The following CNTN4 variants were observed in gnomAD, a reference collection of about 807,000 sequenced individuals.
CNTN4 encodes the protein contactin-4.
CNTN4 carries 77 observed loss-of-function variants against 122.5 expected under a neutral mutation model. The ratio of observed to expected loss-of-function variants is 0.63; its 90% CI spans 0.52 to 0.76. The LOEUF (loss-of-function observed/expected upper bound fraction) is 0.76. CNTN4 is among the 30% of genes least tolerant of loss of function. CNTN4 has a pLI of 0.00. For synonymous variants in CNTN4, 512 were observed against 447.0 expected (o/e 1.15, Z -1.83); for missense variants, 1,256 against 1,259.1 (o/e 1.00, Z 0.04).
chr3:2,770,188 C>T (rs1357630022), intron 6 of CNTN4, among the ~76,000 whole-genome samples: 1 of 152,032 alleles, frequency 6.6e-6, no homozygotes, highest in Non-Finnish European at 1.5e-5. Context: ...CGTCATCATG[C>T]CCGGCTAACG....
chr3:2,981,028 T>C (rs927479773), intron 13 of CNTN4, among the ~76,000 whole-genome samples: 1 of 152,170 alleles, frequency 6.6e-6, no homozygotes, highest in African/African-American at 2.4e-5. Flanking sequence ...TCTTTTCCTA[T>C]TGGCACAGCT....
chr3:2,573,033 G>A (rs2079495275), intron 4 of CNTN4, among the ~76,000 whole-genome samples: 1 of 152,060 alleles, frequency 6.6e-6, no homozygotes, highest in Non-Finnish European at 1.5e-5. Context: ...TTAATATTAT[G>A]ACTGAAGCAT....
At chr3:3,027,783 A>G (rs928930602) in intron 15 of CNTN4, among the ~76,000 whole-genome samples, 3 of 152,214 alleles carry the variant, frequency 2.0e-5, no homozygotes, top group Non-Finnish European at 2.9e-5. Flanking sequence ...CCTACCATTC[A>G]GACACATGTA....
chr3:2,602,657 A>G (rs1014560806), intron 4 of CNTN4, among the ~76,000 whole-genome samples: 5 of 152,304 alleles, frequency 3.3e-5, no homozygotes, highest in African/African-American at 9.6e-5. Context: ...GAAAATGGCC[A>G]TACTGTCCAA....
At chr3:2,552,201 T>A (rs2078537327) in intron 3 of CNTN4, among the ~76,000 whole-genome samples, 1 of 152,128 alleles carries the variant, frequency 6.6e-6, no homozygotes, top group South Asian at 2.1e-4. Flanking sequence ...TTGAAACACA[T>A]GATACTTTTA....
chr3:2,893,393 C>G (rs377563305), intron 10 of CNTN4, among the ~76,000 whole-genome samples: 25 of 152,208 alleles, frequency 1.6e-4, no homozygotes, highest in African/African-American at 5.8e-4. Flanking sequence ...ACAGAGTAAC[C>G]AAAGACTGAA....
At chr3:2,396,300 C>T (rs144662035) in intron 3 of CNTN4, among the ~76,000 whole-genome samples, 3 of 152,292 alleles carry the variant, frequency 2.0e-5, no homozygotes, top group African/African-American at 7.2e-5. Context: ...GCTGGGATTA[C>T]AGGCATGAGC....
intron 4 of CNTN4, among the ~76,000 whole-genome samples, chr3:2,572,741 C>A (rs2079480482): frequency 6.6e-6 from 1 of 152,198 alleles, no homozygotes; most frequent in East Asian, 1.9e-4. Context: ...CAAGCCAGCC[C>A]TGTACTGGGA....
At chr3:2,203,757 T>C (rs1469628806) in intron 2 of CNTN4, among the ~76,000 whole-genome samples, 1 of 152,156 alleles carries the variant, frequency 6.6e-6, no homozygotes, top group African/African-American at 2.4e-5. Context: ...TCTGACCTCC[T>C]TGAAAGCACA....
chr3:3,006,340 C>T (rs1696647640), intron 14 of CNTN4, among the ~76,000 whole-genome samples: 1 of 152,162 alleles, frequency 6.6e-6, no homozygotes, highest in Non-Finnish European at 1.5e-5. Context: ...TGCTCTGTAA[C>T]AATTTATTGA....
chr3:2,598,660 C>T (rs986805902), intron 4 of CNTN4, among the ~76,000 whole-genome samples: 5 of 152,006 alleles, frequency 3.3e-5, no homozygotes, highest in South Asian at 2.1e-4. Context: ...CTTATGTAGC[C>T]GTAATAGAAA....
chr3:2,163,893 G>A (rs148520885), intron 2 of CNTN4, among the ~76,000 whole-genome samples: 1,742 of 152,242 alleles, frequency 0.011, 35 homozygotes, highest in African/African-American at 0.04. Flanking sequence ...TTACACTGCT[G>A]GTGAGAATGT....
intron 4 of CNTN4, among the ~76,000 whole-genome samples, chr3:2,584,326 T>G (rs2080081121): frequency 6.6e-6 from 1 of 151,918 alleles, no homozygotes; most frequent in Non-Finnish European, 1.5e-5. Flanking sequence ...CTTCTGGCCT[T>G]TCTGTCATTT....
At chr3:2,932,569 C>T (rs935172244) in intron 13 of CNTN4, among the ~76,000 whole-genome samples, 13 of 152,136 alleles carry the variant, frequency 8.5e-5, no homozygotes, top group East Asian at 1.9e-4. Flanking sequence ...GTGGTCCCTT[C>T]GCTCCATCTT....
At position 2,629,609 on chromosome 3, in the gene CNTN4, G is replaced by A. The variant is rs2082341585; in HGVS notation, c.55+58051G>A. The A allele has an allele frequency of 6.8e-6, 3 of 441,912 alleles. No homozygotes were observed. The East Asian group carries it at 2.1e-4, about 31-fold the overall frequency. 27.4% of individuals were successfully genotyped at this position (441,912 alleles called of 1,614,324 possible). ...GTTGACTTTATAAGAAAATAGAAAA[G>A]CCTAAGTTACAGCACCAGCTTTCTT... On this transcript the variant is annotated intron_variant, in intron 4 of 24. Coordinates refer to ENST00000418658, the MANE Select transcript of CNTN4 (RefSeq NM_175607.3).
At chr3:2,199,413 C>G (rs141310850) in intron 2 of CNTN4, among the ~76,000 whole-genome samples, 1 of 151,986 alleles carries the variant, frequency 6.6e-6, no homozygotes, top group Admixed American at 6.6e-5. Context: ...CCTTCTCTCC[C>G]CCTGTCCCTA....
chr3:3,017,493 C>G (rs1160200330), intron 14 of CNTN4, among the ~76,000 whole-genome samples: 1 of 152,114 alleles, frequency 6.6e-6, no homozygotes, highest in South Asian at 2.1e-4. Context: ...AAAGCTTACC[C>G]CTAAAATCAG....
chr3:2,569,265 C>G (rs898330674), intron 3 of CNTN4, among the ~76,000 whole-genome samples: 10 of 152,280 alleles, frequency 6.6e-5, no homozygotes, highest in African/African-American at 2.4e-4. Context: ...TGTTAGCTCC[C>G]TGGTAAACAT....
intron 4 of CNTN4, among the ~76,000 whole-genome samples, chr3:2,724,068 A>G (rs2088042166): frequency 6.6e-6 from 1 of 152,150 alleles, no homozygotes; most frequent in South Asian, 2.1e-4. Flanking sequence ...ACATGGCTCT[A>G]AAGAGGATAC....
Sources: gnomAD v4.1 joint callset for allele counts (sites outside exome capture counted in the v4.1 genomes callset) on GRCh38, gnomAD v4.1.1 for gene constraint, MANE v1.5 for transcripts, NCBI Gene and HGNC (gene_info 2026-07-23, HGNC 2026-07-21) for gene names.